Variants in DOCK4 observed in about 807,000 individuals in gnomAD.
DOCK4 encodes the protein dedicator of cytokinesis protein 4.
DOCK4 carries 97 observed loss-of-function variants against 268.1 expected under a neutral mutation model. That is an observed-to-expected ratio of 0.36 (90% CI 0.31 to 0.43). The LOEUF is 0.43. Among genes scored for constraint, DOCK4 ranks in the 20% least tolerant of loss-of-function variants. DOCK4 has a pLI of 1.00. For synonymous variants in DOCK4, 954 were observed against 887.2 expected (o/e 1.08, Z -1.34); for missense variants, 2,145 against 2,455.7 (o/e 0.87, Z 2.67).
chr7:111,916,392 T>C (rs1792589451), intron 12 of DOCK4, among the ~76,000 whole-genome samples: 2 of 152,156 alleles, frequency 1.3e-5, no homozygotes, highest in East Asian at 1.9e-4. Flanking sequence ...AGGATATTGA[T>C]AGAGATTTTC....
intron 1 of DOCK4, among the ~76,000 whole-genome samples, chr7:112,153,426 T>A (rs1389315086): frequency 6.6e-6 from 1 of 152,188 alleles, no homozygotes; most frequent in African/African-American, 2.4e-5. Context: ...CACTTTACAT[T>A]TAAGGTTAAT....
chr7:111,901,934 T>G, intron 13 of DOCK4, 133 bp from the exon 14 acceptor site: 1 of 675,440 alleles, frequency 1.5e-6, no homozygotes, highest in Non-Finnish European at 2.4e-6. Flanking sequence ...ATATTTGCAT[T>G]TTTATAAAAG....
At chr7:111,832,049 A>G (rs1266276288) in intron 26 of DOCK4, among the ~76,000 whole-genome samples, 1 of 152,234 alleles carries the variant, frequency 6.6e-6, no homozygotes, top group Non-Finnish European at 1.5e-5. Context: ...CTTATGGCCC[A>G]GTGGGATATA....
intron 1 of DOCK4, among the ~76,000 whole-genome samples, chr7:112,107,064 A>C (rs1221435004): frequency 1.3e-5 from 2 of 152,242 alleles, no homozygotes; most frequent in East Asian, 1.9e-4. Flanking sequence ...TTAACTTCAG[A>C]TATTCAGAGA....
intron 31 of DOCK4, among the ~76,000 whole-genome samples, chr7:111,789,561 G>C (rs1004844728): frequency 6.6e-6 from 1 of 152,200 alleles, no homozygotes; most frequent in African/African-American, 2.4e-5. Flanking sequence ...AGACAAGGGG[G>C]AAGGAAAGTG....
At chr7:111,822,479 C>G (rs1344766395) in intron 26 of DOCK4, 23 bp from the exon 27 acceptor site, 17 of 1,583,766 alleles carry the variant, frequency 1.1e-5, no homozygotes, top group Non-Finnish European at 1.4e-5. Context: ...GAAAATAGAT[C>G]ATTTTATTGG....
chr7:112,018,179 A>AAACACAC, intron 1 of DOCK4, among the ~76,000 whole-genome samples: 1 of 72,630 alleles, frequency 1.4e-5, no homozygotes, highest in African/African-American at 5.4e-5. Flanking sequence ...AAAAAAAAAA[A>AAACACAC]ACACAGGCAA....
At chr7:112,154,211 A>G (rs1816383027) in intron 1 of DOCK4, among the ~76,000 whole-genome samples, 2 of 152,082 alleles carry the variant, frequency 1.3e-5, no homozygotes, top group Admixed American at 1.3e-4. Context: ...GGCTCAAGCA[A>G]TCCTCCCACC....
intron 34 of DOCK4, among the ~76,000 whole-genome samples, chr7:111,783,465 T>C (rs1344699999): frequency 1.3e-5 from 2 of 152,178 alleles, no homozygotes; most frequent in Non-Finnish European, 2.9e-5. Context: ...AGAGAATATT[T>C]AAGAGAATAG....
At chr7:112,097,074 C>T (rs1810211478) in intron 1 of DOCK4, among the ~76,000 whole-genome samples, 1 of 152,132 alleles carries the variant, frequency 6.6e-6, no homozygotes, top group Admixed American at 6.6e-5. Context: ...ACTATCAGTT[C>T]ACAGGAAAAG....
At chr7:112,099,170 T>C (rs1463784910) in intron 1 of DOCK4, among the ~76,000 whole-genome samples, 1 of 151,988 alleles carries the variant, frequency 6.6e-6, no homozygotes, top group African/African-American at 2.4e-5. Context: ...CACATGCCTG[T>C]AGTCCCAACT....
chr7:112,117,591 G>A (rs1488727285), intron 1 of DOCK4, among the ~76,000 whole-genome samples: 4 of 152,112 alleles, frequency 2.6e-5, no homozygotes, highest in Admixed American at 6.5e-5. Context: ...GGCTGGTCTC[G>A]AACTCCTGAC....
intron 7 of DOCK4, among the ~76,000 whole-genome samples, chr7:111,978,351 C>T (rs1798365958): frequency 6.6e-6 from 1 of 152,196 alleles, no homozygotes; most frequent in Non-Finnish European, 1.5e-5. Flanking sequence ...CCTGCCTTGG[C>T]CTCCAGAGTA....
At chr7:111,760,357 A>G (rs1314229236) in intron 39 of DOCK4, 35 bp from the exon 40 acceptor site, 2 of 1,598,984 alleles carry the variant, frequency 1.3e-6, no homozygotes, top group Non-Finnish European at 1.7e-6. Flanking sequence ...TTAGGGCTAT[A>G]TAACTGAGTG....
At chr7:111,936,485 A>AATGAATGGATGGATGG (rs371416256) in intron 11 of DOCK4, among the ~76,000 whole-genome samples, 52 of 148,176 alleles carry the variant, frequency 3.5e-4, no homozygotes, top group African/African-American at 7.7e-4. Context: ...CAGTGGTATG[A>AATGAATGGATGGATGG]ATGGATGGAT....
rs79850954 is a variant in DOCK4, at chr7:111,949,781, T to C, written c.702-3983A>G. On this transcript the variant is annotated intron_variant, in intron 8 of 52. Coordinates refer to ENST00000428084, the MANE Select transcript of DOCK4 (RefSeq NM_001363540.2). ...GCCACTAATCACTCAGCAAATGGTT[T>C]TGGACAAAAAAAGACCTATATTAAC... is the stretch of plus-strand genomic sequence containing the variant. Among the ~76,000 whole-genome samples the C allele has an allele frequency of 3.6e-3, 544 of 152,316 alleles. 2 individuals are homozygous for C. Among genetic ancestry groups the C allele is most frequent in the Non-Finnish European group, 6.5e-3 (442 of 68,030 alleles).
intron 1 of DOCK4, among the ~76,000 whole-genome samples, chr7:112,035,145 GCCAGC>G (rs1010159571): frequency 6.6e-5 from 10 of 152,098 alleles, no homozygotes; most frequent in African/African-American, 2.4e-4. Context: ...GAAGCTAACA[GCCAGC>G]CCTTAAATAG....
chr7:112,193,716 T>C lies in DOCK4; in HGVS notation c.37+12386A>G, dbSNP rs148403390. 5.6e-3 allele frequency among the ~76,000 whole-genome samples: 850 copies of C among 152,132 alleles called. 4 individuals are homozygous for C. The highest frequency in any genetic ancestry group is 7.6e-3 in the Non-Finnish European group (519 of 67,994). On this transcript the variant is annotated intron_variant, in intron 1 of 52. Transcript: ENST00000428084. ...ACTAACTACATTGATTACACTGAGG[T>C]TGAGGATCCTGCTTCTACTTTTTTT...
chr7:112,086,419 C>T (rs1013008594), intron 1 of DOCK4, among the ~76,000 whole-genome samples: 6 of 151,960 alleles, frequency 3.9e-5, no homozygotes, highest in African/African-American at 1.5e-4. Flanking sequence ...GTTTTGTTTT[C>T]TTAACAGGAG....
Sources: allele counts gnomAD v4.1 joint callset (sites outside exome capture counted in the v4.1 genomes callset), GRCh38; gene constraint gnomAD v4.1.1; transcripts MANE v1.5; gene names NCBI Gene and HGNC (gene_info 2026-07-23, HGNC 2026-07-21).